Variants in SNX20 observed in about 807,000 individuals in gnomAD.
The protein encoded by SNX20 is sorting nexin 20, also known as sorting nexin-20.
Under a neutral mutation model 24.5 loss-of-function variants are expected in SNX20, and 21 were observed. That is an observed-to-expected ratio of 0.86 (90% CI 0.61 to 1.23). The LOEUF (loss-of-function observed/expected upper bound fraction) is 1.23. SNX20 is among the 50% of genes most tolerant of loss of function. The pLI is 0.00. For missense variants in SNX20, 433 were observed against 430.8 expected, an observed-to-expected ratio of 1.00 and a Z score of -0.04; for synonymous variants, 206 against 192.8, an observed-to-expected ratio of 1.07 and a Z score of -0.57.
rs763751801 is a variant in SNX20, at chr16:50,673,518, A to T, written c.839T>A (p.Leu280Gln). Residue 280 changes from leucine to glutamine, a missense_variant, in exon 4 of 4, where the codon CTG becomes CAG. By Grantham distance (113) the Leu-to-Gln change is moderately radical (BLOSUM62 -2). Transcript: ENST00000330943. The surrounding 1 kb of genome is among the most constrained non-coding windows in gnomAD (Gnocchi z 4.1). The stretch of plus-strand genomic sequence containing the variant: ...CTGCAGAGTCACGAAGTCCTTGCCC[A>T]GCGCGTAGGCCAGGCGGACCATGGC... ...LDAMVRLAYALGKDFVTLQER... is the reference protein window; with the variant it reads ...LDAMVRLAYAQGKDFVTLQER... The T allele has an allele frequency of 1.9e-6, 3 of 1,610,262 alleles. No homozygotes were observed. The South Asian group carries it at 3.3e-5, about 18-fold the overall frequency.
downstream of SNX20, chr16:50,669,513 C>T (rs2150758261): frequency 1.0e-5 from 2 of 191,396 alleles, no homozygotes; most frequent in South Asian, 2.1e-4. Flanking sequence ...CAAACATCTC[C>T]CACCAGGCCA....
chr16:50,673,578 C>T lies in SNX20; in HGVS notation c.779G>A (p.Arg260Gln), dbSNP rs889072534. ...GERALQRLQA[R>Q]EGHRYYAPLL... ...AGGCGCATAGTAGCGATGGCCCTCC[C>T]GGGCCTGCAGGCGCTGCAGGGCCCT... The change falls in exon 4 of 4, where the codon CGG (arginine) becomes CAG (glutamine). Residue 260 changes from arginine (R) to glutamine (Q), a missense_variant. Transcript: ENST00000330943. This position sits in a 1 kb window ranked among gnomAD's most constrained non-coding sequence, Gnocchi z 4.1. The T allele has an allele frequency of 2.5e-6, 4 of 1,596,468 alleles. No individual in the cohort carries two copies. In the South Asian group the frequency reaches 3.3e-5, roughly 13 times the overall value.
At chr16:50,677,112 C>A (rs1354058086) in intron 2 of SNX20, among the ~76,000 whole-genome samples, 1 of 152,184 alleles carries the variant, frequency 6.6e-6, no homozygotes, top group East Asian at 1.9e-4. Flanking sequence ...CCAGAAGACC[C>A]CCGCTGGGGT....
At position 50,677,538 on chromosome 16, in the gene SNX20, G is replaced by T. The variant is rs747603651; in HGVS notation, c.-9-3C>A. ...TCTGGACTTGCCATGCTCCAAGGCT[G>T]CCAGAGGAAAAAGAGAACAGTGAGG... On this transcript the variant is annotated splice_polypyrimidine_tract_variant and splice_region_variant and intron_variant, in intron 1 of 3. Coordinates refer to ENST00000330943, the MANE Select transcript of SNX20 (RefSeq NM_182854.4). 1 of 1,554,824 alleles carries T rather than the reference G, an allele frequency of 6.4e-7. No homozygotes were observed. Among genetic ancestry groups the T allele is most frequent in the Non-Finnish European group, 8.7e-7 (1 of 1,146,852 alleles).
chr16:50,668,386 A>G (rs1962964434), downstream of SNX20: 2 of 971,428 alleles, frequency 2.1e-6, no homozygotes, highest in African/African-American at 1.7e-5. Context: ...CAGCGGCCTC[A>G]GGCTCAGGGC....
rs72303410 is a variant in SNX20, at chr16:50,672,496, CGTGTGTGTGTGTGTGTGTGTGTGTGTGT to C, written c.*882_*909del. The C allele has an allele frequency of 7.2e-6, 1 of 137,988 alleles. No individual in the cohort carries two copies. The allele number at this position is 137,988 out of a possible 1,614,324, so 8.5% of individuals were successfully genotyped here. Reference sequence around the variant, plus strand: ...CAAAAGGATGGCATACAACTCCCACCGTGTGTGTGTGTGTGTGTGTGTGTGTGTGTGTGTGTGTGTGTGTAGAGGCTGT... The same window carrying C: ...CAAAAGGATGGCATACAACTCCCACCGTGTGTGTGTGTGTGTAGAGGCTGT... On this transcript the variant is annotated 3_prime_UTR_variant, in exon 4 of 4. Coordinates refer to ENST00000330943, the MANE Select transcript of SNX20 (RefSeq NM_182854.4).
At chr16:50,674,386 A>G (rs924480680) in intron 3 of SNX20, among the ~76,000 whole-genome samples, 1 of 151,946 alleles carries the variant, frequency 6.6e-6, no homozygotes, top group Non-Finnish European at 1.5e-5. Context: ...AGTAGCTGGG[A>G]CTACAGGCAC....
At chr16:50,680,570 G>A (rs1010115131) in intron 1 of SNX20, among the ~76,000 whole-genome samples, 8 of 152,158 alleles carry the variant, frequency 5.3e-5, no homozygotes, top group Non-Finnish European at 1.0e-4. Flanking sequence ...GAGGGCCTGC[G>A]GAGGACTTTT....
chr16:50,677,431 G>A lies in SNX20; in HGVS notation c.96C>T (p.Pro32=), dbSNP rs779983117. 13 of 1,608,076 alleles carry A rather than the reference G, an allele frequency of 8.1e-6. No individual in the cohort carries two copies. Among genetic ancestry groups the A allele is most frequent in the Middle Eastern group, 3.3e-4 (2 of 6,060 alleles). The change falls in exon 2 of 4, where the codon CCC becomes CCT. Residue 32 remains proline, a synonymous_variant. Coordinates refer to ENST00000330943, the MANE Select transcript of SNX20 (RefSeq NM_182854.4). ...RTQQEAPATG[P]DLPHPGPDGH... ...CGTCAGGTCCTGGGTGCGGGAGGTC[G>A]GGGCCAGTGGCTGGTGCTTCCTGCT...
chr16:50,670,977 C>G (rs1963035066), downstream of SNX20: 1 of 152,166 alleles, frequency 6.6e-6, no homozygotes, highest in Non-Finnish European at 1.5e-5. Context: ...GTGTGGGAAG[C>G]CAACCCCTCT....
chr16:50,677,084 G>C (rs752568761), intron 2 of SNX20, among the ~76,000 whole-genome samples: 61 of 152,168 alleles, frequency 4.0e-4, no homozygotes, highest in Non-Finnish European at 7.4e-5. Context: ...ACAACCCAGA[G>C]ATATGTTCCA....
In SNX20 at chr16:50,672,571, T is replaced by C. The variant is rs1001287824; in HGVS notation, c.*835A>G. The C allele has an allele frequency of 1.3e-5, 2 of 151,298 alleles. No individual in the cohort carries two copies. The highest frequency in any genetic ancestry group is 4.9e-5 in the African/African-American group (2 of 40,588). The allele number at this position is 151,298 out of a possible 1,614,324, so 9.4% of individuals were successfully genotyped here. The stretch of plus-strand genomic sequence containing the variant: ...CTGTTCTTGAGGGCAATAGGTGAGC[T>C]TTTGTTTTGCTTTGTCAGGTCTACA... On this transcript the variant is annotated 3_prime_UTR_variant, in exon 4 of 4. Coordinates refer to ENST00000330943, the MANE Select transcript of SNX20 (RefSeq NM_182854.4).
chr16:50,669,150 T>G, downstream of SNX20: 1 of 1,237,360 alleles, frequency 8.1e-7, no homozygotes, highest in Middle Eastern at 1.9e-4. Flanking sequence ...TTTCCCCATC[T>G]GTAAACAGAG....
chr16:50,668,508 T>C (rs1266216171), downstream of SNX20: 4 of 972,326 alleles, frequency 4.1e-6, no homozygotes, highest in Non-Finnish European at 5.0e-6. Flanking sequence ...CCATTTAGGA[T>C]AGTAATAGGA....
downstream of SNX20, chr16:50,670,014 AGTG>A (rs1963006507): frequency 6.6e-6 from 1 of 152,244 alleles, no homozygotes; most frequent in African/African-American, 2.4e-5. Context: ...CCCAGCTCAA[AGTG>A]GAGACCCCAG....
intron 3 of SNX20, among the ~76,000 whole-genome samples, chr16:50,675,165 C>G (rs751349855): frequency 6.6e-6 from 1 of 152,190 alleles, no homozygotes; most frequent in Non-Finnish European, 1.5e-5. Context: ...AAGTGTGGCT[C>G]TTAGGCAGTC....
In SNX20 at chr16:50,673,674, G is replaced by T; in HGVS notation, c.683C>A (p.Pro228Gln). Residue 228 changes from proline (P) to glutamine (Q), a missense_variant, in exon 4 of 4, where the codon CCG (proline) becomes CAG (glutamine). Pro to Gln is a moderately conservative substitution (Grantham distance 76, BLOSUM62 -1). Transcript: ENST00000330943. This position sits in a 1 kb window ranked among gnomAD's most constrained non-coding sequence, Gnocchi z 4.1. ...LTAHCPAAAV[P>Q]ALCAVLLCHR... ...GCACAGCAGCACGGCGCACAGGGCC[G>T]GGACGGCGGCCGCAGGGCAGTGGGC... 6.7e-7 allele frequency: 1 copy of T among 1,496,378 alleles called. No individual in the cohort carries two copies. The highest frequency in any genetic ancestry group is 8.8e-7 in the Non-Finnish European group (1 of 1,131,818). The allele number at this position is 1,496,378 out of a possible 1,614,324, so 92.7% of individuals were successfully genotyped here. A position where few individuals can be genotyped will look rare whatever the true frequency, so the allele number is the denominator to read the frequency against.
chr16:50,672,496 C>CAT lies in SNX20; in HGVS notation c.*909_*910insAT, dbSNP rs3221835. 1 of 137,988 alleles carries CAT rather than the reference C, an allele frequency of 7.2e-6. No homozygotes were observed. Among genetic ancestry groups the CAT allele is most frequent in the African/African-American group, 2.8e-5 (1 of 35,942 alleles). The allele number at this position is 137,988 out of a possible 1,614,324, so 8.5% of individuals were successfully genotyped here. A position where few individuals can be genotyped will look rare whatever the true frequency, so the allele number is the denominator to read the frequency against. ...CAAAAGGATGGCATACAACTCCCAC[C>CAT]GTGTGTGTGTGTGTGTGTGTGTGTG... On this transcript the variant is annotated 3_prime_UTR_variant, in exon 4 of 4. Transcript: ENST00000330943.
intron 1 of SNX20, among the ~76,000 whole-genome samples, chr16:50,678,533 C>G (rs963035079): frequency 1.3e-5 from 2 of 152,228 alleles, no homozygotes; most frequent in Non-Finnish European, 2.9e-5. Context: ...AACCTGAACA[C>G]TGTCTGCACT....
Sources: gnomAD v4.1 joint callset for allele counts (sites outside exome capture counted in the v4.1 genomes callset) on GRCh38, gnomAD v4.1.1 for gene constraint, Gnocchi (gnomAD v3.1) non-coding constraint, MANE v1.5 for transcripts, NCBI Gene and HGNC (gene_info 2026-07-23, HGNC 2026-07-21) for gene names.